The following INO80 variants were observed in gnomAD, a reference collection of about 807,000 sequenced individuals.
INO80 encodes the protein chromatin-remodeling ATPase INO80.
Under a neutral mutation model 203.4 loss-of-function variants are expected in INO80, and 20 were observed. The ratio of observed to expected loss-of-function variants is 0.10; its 90% CI spans 0.07 to 0.14. The LOEUF is 0.14. INO80 is among the 10% of genes least tolerant of loss of function. The pLI, the probability that INO80 is intolerant of heterozygous loss-of-function variation, is 1.00. For synonymous variants in INO80, 726 were observed against 685.2 expected, an observed-to-expected ratio of 1.06 and a Z score of -0.93; for missense variants, 1,419 against 1,914.4, an observed-to-expected ratio of 0.74 and a Z score of 4.83.
At chr15:41,027,504 A>T in intron 25 of INO80, 92 bp downstream of exon 25, 1 of 1,145,428 alleles carries the variant, frequency 8.7e-7, no homozygotes, top group Non-Finnish European at 1.2e-6. Context: ...CAAATAGTTT[A>T]AAACAATTCT....
intron 32 of INO80, 134 bp downstream of exon 32, chr15:40,985,204 A>G: frequency 1.5e-6 from 1 of 666,148 alleles, no homozygotes; most frequent in East Asian, 2.6e-5. Context: ...TCAGCCCAGA[A>G]ATGTAGCTGA....
In INO80 at chr15:40,985,344, T is replaced by C. The variant is rs201733796; in HGVS notation, c.3915A>G (p.Ala1305=). ...KERKRKREKY[A]EKKKKEDELD... ...CATTCCAGGCTGGAAATACCTTCTCTGCATACTTTTCCCGCTTCCGCTTGC... is the reference window on the plus strand; with the variant it reads ...CATTCCAGGCTGGAAATACCTTCTCCGCATACTTTTCCCGCTTCCGCTTGC... Residue 1305 remains alanine, a synonymous_variant, in exon 32 of 36, where the codon GCA becomes GCG. Transcript: ENST00000648947. The C allele has an allele frequency of 3.7e-6, 6 of 1,613,458 alleles. No individual in the cohort carries two copies. The Admixed American group carries it at 6.7e-5, about 18-fold the overall frequency.
intron 9 of INO80, among the ~76,000 whole-genome samples, chr15:41,076,891 A>G (rs1041229017): frequency 1.3e-5 from 2 of 152,116 alleles, no homozygotes; most frequent in African/African-American, 2.4e-5. Flanking sequence ...GTAGCATATT[A>G]AAGAGTCATT....
intron 10 of INO80, among the ~76,000 whole-genome samples, chr15:41,074,008 G>A (rs2045363590): frequency 6.6e-6 from 1 of 152,006 alleles, no homozygotes; most frequent in Admixed American, 6.6e-5. Flanking sequence ...CTGAACAGCT[G>A]CTTTCTTGTG....
intron 24 of INO80, among the ~76,000 whole-genome samples, chr15:41,032,073 GACAGCACAGCACAGCACAGC>G (rs1243732624): frequency 1.3e-4 from 7 of 52,396 alleles, no homozygotes; most frequent in African/African-American, 4.1e-4. Flanking sequence ...GACAGCACAG[GACAGCACAGCACAGCACAGC>G]ACAGCACAGC....
intron 14 of INO80, among the ~76,000 whole-genome samples, chr15:41,063,679 C>G (rs1453327867): frequency 1.3e-5 from 2 of 151,580 alleles, no homozygotes; most frequent in Admixed American, 1.3e-4. Context: ...AAGGCTGAGA[C>G]AGAATTGCTT....
At position 41,013,484 on chromosome 15, in the gene INO80, T is replaced by TA. The variant is rs540246291; in HGVS notation, c.3402+2603dup. The stretch of plus-strand genomic sequence containing the variant: ...TGACTGAAAAACACTCTTTCAAAGA[T>TA]AAAAAAACGCAGACCTAGTGCTGCA... On this transcript the variant is annotated intron_variant, in intron 27 of 35. Transcript: ENST00000648947. Among the ~76,000 whole-genome samples, 102 of 152,198 alleles carry TA rather than the reference T, an allele frequency of 6.7e-4. 1 individual carries two copies. In the Middle Eastern group the frequency reaches 0.01, roughly 15 times the overall value.
At position 41,027,711 on chromosome 15, in the gene INO80, T is replaced by A. The variant is rs1279227752; in HGVS notation, c.2933A>T (p.Lys978Ile). The change falls in exon 25 of 36, where the codon AAA becomes ATA. Residue 978 changes from lysine to isoleucine, a missense_variant. Lys to Ile is a moderately radical substitution (Grantham distance 102, BLOSUM62 -3). This residue lies in a region of INO80 where 302 missense variants were observed against 345.4 expected (regional missense o/e 0.87). Coordinates refer to ENST00000648947, the MANE Select transcript of INO80 (RefSeq NM_017553.3). ...LKSLVFSSHC[K>I]AVSGYSDQVV... is the part of the protein sequence containing the mutation. Reference sequence around the variant, plus strand: ...CTGGTCTGAGTAGCCACTCACTGCTTTACAGTGGCTGCTGAAAACAAGAGA... The same window carrying A: ...CTGGTCTGAGTAGCCACTCACTGCTATACAGTGGCTGCTGAAAACAAGAGA... 1 of 1,599,832 alleles carries A rather than the reference T, an allele frequency of 6.3e-7. No homozygotes were observed. Among genetic ancestry groups the A allele is most frequent in the Admixed American group, 1.7e-5 (1 of 57,692 alleles).
intron 28 of INO80, among the ~76,000 whole-genome samples, chr15:40,998,902 G>A (rs899927703): frequency 3.3e-5 from 5 of 151,786 alleles, no homozygotes; most frequent in Admixed American, 2.6e-4. Context: ...TGATGCACGT[G>A]CCTCAGCCTC....
chr15:41,035,989 C>CA (rs2044566678), intron 24 of INO80, among the ~76,000 whole-genome samples: 1 of 149,106 alleles, frequency 6.7e-6, no homozygotes, highest in Non-Finnish European at 1.5e-5. Context: ...CAAAACAAAA[C>CA]AAAAAAACCC....
At chr15:41,044,573 GAAAGGAGCAT>G (rs1196832865) in intron 24 of INO80, among the ~76,000 whole-genome samples, 1 of 152,080 alleles carries the variant, frequency 6.6e-6, no homozygotes, top group African/African-American at 2.4e-5. Flanking sequence ...CTACTAAACG[GAAAGGAGCAT>G]GAGGGAGCTG....
At position 41,116,148 on chromosome 15, in the gene INO80, G is replaced by A; in HGVS notation, c.-219C>T. ...CTAGCTCGCTCCCTCCGCGGCTCCT[G>A]GGACCCCAAGATGGCGGCGGCGCTG... is the stretch of plus-strand genomic sequence containing the variant. On this transcript the variant is annotated 5_prime_UTR_variant, in exon 1 of 36. The change creates a premature stop within an existing upstream ORF in the 5' untranslated region. Coordinates refer to ENST00000648947, the MANE Select transcript of INO80 (RefSeq NM_017553.3). 1 of 405,328 alleles carries A rather than the reference G, an allele frequency of 2.5e-6. No individual in the cohort carries two copies. Among genetic ancestry groups the A allele is most frequent in the Non-Finnish European group, 4.3e-6 (1 of 231,988 alleles). The allele number at this position is 405,328 out of a possible 1,614,324, so 25.1% of individuals were successfully genotyped here. A position where few individuals can be genotyped will look rare whatever the true frequency, so the allele number is the denominator to read the frequency against.
chr15:40,991,998 G>A (rs968284577), intron 29 of INO80, among the ~76,000 whole-genome samples: 4 of 152,082 alleles, frequency 2.6e-5, no homozygotes, highest in Admixed American at 6.6e-5. Context: ...GGATGGTCTC[G>A]ATCTCCTGAC....
intron 18 of INO80, 82 bp from the exon 19 acceptor site, chr15:41,054,096 A>C: frequency 1.8e-6 from 2 of 1,086,514 alleles, no homozygotes; most frequent in South Asian, 1.4e-5. Context: ...TTCACCTCTC[A>C]CCAAACTCTT....
chr15:41,057,300 C>G lies in INO80; in HGVS notation c.1986-594G>C, dbSNP rs549453758. On this transcript the variant is annotated intron_variant, in intron 16 of 35. Transcript: ENST00000648947. ...AGAAACCCCGTGTCTACTATAAATA[C>G]AAAAAATTAGCCCAGCATGGTGGCA... Among the ~76,000 whole-genome samples the G allele has an allele frequency of 6.6e-5, 10 of 151,712 alleles. 1 individual carries two copies. The South Asian group carries it at 1.2e-3, about 19-fold the overall frequency.
At chr15:40,992,126 T>TG (rs1287162026) in intron 29 of INO80, among the ~76,000 whole-genome samples, 1 of 152,184 alleles carries the variant, frequency 6.6e-6, no homozygotes, top group African/African-American at 2.4e-5. Context: ...GACCAACACT[T>TG]GGAGGGTGGA....
At chr15:41,016,262 C>G in intron 26 of INO80, 47 bp from the exon 27 acceptor site, 2 of 1,587,120 alleles carry the variant, frequency 1.3e-6, no homozygotes, top group South Asian at 1.1e-5. Flanking sequence ...TTAATTGAAG[C>G]GACAAAATCA....
chr15:41,008,797 G>A (rs2044089900), intron 27 of INO80, among the ~76,000 whole-genome samples: 1 of 152,132 alleles, frequency 6.6e-6, no homozygotes, highest in African/African-American at 2.4e-5. Context: ...GCAGAACTGA[G>A]GGACACATCC....
intron 10 of INO80, among the ~76,000 whole-genome samples, 180 bp from the exon 11 acceptor site, chr15:41,073,675 T>A (rs763129777): frequency 1.3e-5 from 2 of 152,030 alleles, no homozygotes; most frequent in Non-Finnish European, 2.9e-5. Flanking sequence ...GCAATGGAGG[T>A]GGAGGACTGC....
Sources: gnomAD v4.1 joint callset for allele counts (sites outside exome capture counted in the v4.1 genomes callset) on GRCh38, gnomAD v4.1.1 for gene constraint, gnomAD v4.1.1 regional missense constraint, MANE v1.5 for transcripts, NCBI Gene and HGNC (gene_info 2026-07-23, HGNC 2026-07-21) for gene names.